The following SVEP1 variants were observed in gnomAD, a reference collection of about 807,000 sequenced individuals.
The protein encoded by SVEP1 is sushi, von Willebrand factor type A, EGF and pentraxin domain-containing protein 1.
A neutral mutation model predicts 367.3 loss-of-function variants in SVEP1; 164 were observed. That is an observed-to-expected ratio of 0.45 (90% CI 0.39 to 0.51). SVEP1 has a LOEUF of 0.51. Ranked by LOEUF, SVEP1 falls within the 20% of genes least tolerant of loss-of-function variation. SVEP1 has a pLI of 0.00. For missense variants in SVEP1, 4,117 were observed against 4,425.3 expected, an observed-to-expected ratio of 0.93 and a Z score of 1.98; for synonymous variants, 1,666 against 1,611.6, an observed-to-expected ratio of 1.03 and a Z score of -0.81.
intron 1 of SVEP1, among the ~76,000 whole-genome samples, chr9:110,562,604 C>T (rs946050083): frequency 4.6e-5 from 7 of 152,154 alleles, no homozygotes; most frequent in Non-Finnish European, 1.0e-4. Flanking sequence ...ACCAAGAGAG[C>T]TATCATAAAC....
Position 110,496,858 on chromosome 9 carries a change from A to G in SVEP1, c.1757T>C (p.Val586Ala). 6.4e-7 allele frequency: 1 copy of G among 1,558,658 alleles called. No individual in the cohort carries two copies. The highest frequency in any genetic ancestry group is 8.7e-7 in the Non-Finnish European group (1 of 1,149,746). The part of the protein sequence containing the change: ...KTLEQQDSAN[V>A]TWQIPTAKDN... ...TTTAGCTGTTGGAATCTGCCAGGTA[A>G]CATTGGCAGAATCTTGCTGTTCCAG... is the stretch of plus-strand genomic sequence containing the variant. The change falls in exon 8 of 48, where the codon GTT becomes GCT. Residue 586 changes from valine (V) to alanine (A), a missense_variant. Physicochemically the swap from Val to Ala is moderately conservative, Grantham distance 64 (BLOSUM62 0). Transcript: ENST00000374469.
At chr9:110,470,149 A>T (rs1010182686) in intron 16 of SVEP1, among the ~76,000 whole-genome samples, 11 of 152,138 alleles carry the variant, frequency 7.2e-5, no homozygotes, top group Admixed American at 2.0e-4. Context: ...GAATTGACCC[A>T]GATCATGGCA....
chr9:110,556,298 GA>G (rs1407984944), intron 1 of SVEP1, among the ~76,000 whole-genome samples: 1 of 152,078 alleles, frequency 6.6e-6, no homozygotes, highest in Admixed American at 6.6e-5. Context: ...GAACTGTTTT[GA>G]AAAATGGTCT....
intron 37 of SVEP1, 36 bp from the exon 38 acceptor site, chr9:110,408,987 G>T (rs1438628647): frequency 2.0e-6 from 3 of 1,521,252 alleles, no homozygotes; most frequent in Non-Finnish European, 2.6e-6. Flanking sequence ...AGTGCGATTT[G>T]TATAACAGAT....
At position 110,403,297 on chromosome 9, in the gene SVEP1, T is replaced by G. The variant is rs1334529057; in HGVS notation, c.9666+1030A>C. On this transcript the variant is annotated intron_variant, in intron 39 of 47. Coordinates refer to ENST00000374469, the MANE Select transcript of SVEP1 (RefSeq NM_153366.4). ...GATGATTCCTTCCCCGCCACCGCCG[T>G]TTTTTTTTTTTTTTTTTTTTTTTTT... Among the ~76,000 whole-genome samples the G allele has an allele frequency of 1.3e-4, 4 of 30,298 alleles. No individual in the cohort carries two copies. In the East Asian group the frequency reaches 1.7e-3, roughly 13 times the overall value. The allele number at this position is 30,298 out of a possible 152,430, so 19.9% of individuals were successfully genotyped here. A position where few individuals can be genotyped will look rare whatever the true frequency, so the allele number is the denominator to read the frequency against.
Position 110,512,922 on chromosome 9 carries a change from A to C in SVEP1, c.1303+4T>G. 1 of 1,613,994 alleles carries C rather than the reference A, an allele frequency of 6.2e-7. No individual in the cohort carries two copies. The highest frequency in any genetic ancestry group is 8.5e-7 in the Non-Finnish European group (1 of 1,179,868). ...TAAACAATGTAAATTGGCAGTTTGCATACCTCTGCAGTAGCTCTCTGAACC... is the reference window on the plus strand; with the variant it reads ...TAAACAATGTAAATTGGCAGTTTGCCTACCTCTGCAGTAGCTCTCTGAACC... On this transcript the variant is annotated splice_donor_region_variant and intron_variant, in intron 5 of 47. Coordinates refer to ENST00000374469, the MANE Select transcript of SVEP1 (RefSeq NM_153366.4).
intron 28 of SVEP1, 132 bp from the exon 29 acceptor site, chr9:110,435,496 T>C: frequency 9.9e-7 from 1 of 1,005,046 alleles, no homozygotes; most frequent in Non-Finnish European, 1.4e-6. Context: ...CAGGTATGAT[T>C]TCAGGGGCAG....
At position 110,579,672 on chromosome 9, in the gene SVEP1, G is replaced by A; in HGVS notation, c.-129C>T. ...CGGGGCAGCGGCCAAGAGCCTCAGC[G>A]CCCTTTCATCTGACACTGGGGACAG... On this transcript the variant is annotated 5_prime_UTR_variant, in exon 1 of 48. Transcript: ENST00000374469. The surrounding 1 kb of genome is among the most constrained non-coding windows in gnomAD (Gnocchi z 5.3). 5 of 1,175,836 alleles carry A rather than the reference G, an allele frequency of 4.3e-6. No homozygotes were observed. The South Asian group carries it at 8.6e-5, about 20-fold the overall frequency. 72.8% of individuals were successfully genotyped at this position (1,175,836 alleles called of 1,614,324 possible).
chr9:110,458,398 T>C (rs573786270), intron 20 of SVEP1, 73 bp downstream of exon 20: 143 of 1,268,260 alleles, frequency 1.1e-4, no homozygotes, highest in South Asian at 9.3e-4. Context: ...CCTTTTCCTG[T>C]GTGTGATGTG....
intron 26 of SVEP1, 144 bp downstream of exon 26, chr9:110,445,693 C>G: frequency 1.2e-6 from 1 of 827,422 alleles, no homozygotes; most frequent in South Asian, 1.7e-5. Context: ...AGAACTTGTT[C>G]AGATGCTCCA....
intron 41 of SVEP1, among the ~76,000 whole-genome samples, chr9:110,389,230 C>A (rs1827584029): frequency 6.6e-6 from 1 of 151,760 alleles, no homozygotes; most frequent in African/African-American, 2.4e-5. Context: ...TTGAGAAAAC[C>A]CCCCCAAAAT....
intron 3 of SVEP1, among the ~76,000 whole-genome samples, chr9:110,540,069 T>C (rs1021591870): frequency 2.6e-5 from 4 of 152,094 alleles, no homozygotes; most frequent in African/African-American, 9.7e-5. Flanking sequence ...AAACAATGCT[T>C]AGAAAATGGT....
intron 27 of SVEP1, among the ~76,000 whole-genome samples, chr9:110,442,006 C>A (rs769992347): frequency 7.9e-5 from 12 of 152,192 alleles, no homozygotes; most frequent in Non-Finnish European, 1.6e-4. Flanking sequence ...CTCTTTCAGC[C>A]TGCATTTCAG....
chr9:110,372,350 T>C (rs778545484), intron 46 of SVEP1, among the ~76,000 whole-genome samples: 1 of 152,200 alleles, frequency 6.6e-6, no homozygotes, highest in Non-Finnish European at 1.5e-5. Flanking sequence ...CTTTCCTAGA[T>C]TGAAATTCTG....
intron 3 of SVEP1, among the ~76,000 whole-genome samples, chr9:110,517,836 G>A (rs1028458405): frequency 6.7e-6 from 1 of 149,312 alleles, no homozygotes; most frequent in African/African-American, 2.5e-5. Context: ...AGAAAAAAAG[G>A]TACTTAATTA....
At chr9:110,505,325 T>A (rs546302357) in intron 5 of SVEP1, among the ~76,000 whole-genome samples, 21 of 152,294 alleles carry the variant, frequency 1.4e-4, no homozygotes, top group African/African-American at 5.1e-4. Flanking sequence ...TCTATTCCTG[T>A]TGATGGCAAT....
intron 9 of SVEP1, among the ~76,000 whole-genome samples, chr9:110,485,597 A>G (rs1326644492): frequency 1.3e-5 from 2 of 152,202 alleles, no homozygotes; most frequent in African/African-American, 4.8e-5. Context: ...ATTAAATTAA[A>G]TTAAAAAGAG....
intron 37 of SVEP1, 31 bp from the exon 38 acceptor site, chr9:110,408,982 G>A (rs16914997): frequency 0.21 from 317,442 of 1,526,494 alleles, 34,108 homozygotes; most frequent in South Asian, 0.24. Flanking sequence ...AAGTGAGTGC[G>A]ATTTGTATAA....
At chr9:110,446,826 A>T in intron 25 of SVEP1, 74 bp downstream of exon 25, 1 of 1,347,480 alleles carries the variant, frequency 7.4e-7, no homozygotes, top group Non-Finnish European at 9.6e-7. Flanking sequence ...TGCTTGGTGC[A>T]GGCAAAATTG....
Sources: allele counts gnomAD v4.1 joint callset (sites outside exome capture counted in the v4.1 genomes callset), GRCh38; gene constraint gnomAD v4.1.1; non-coding constraint Gnocchi (gnomAD v3.1); transcripts MANE v1.5; gene names NCBI Gene and HGNC (gene_info 2026-07-23, HGNC 2026-07-21).